Variants in CEP128 observed in about 807,000 individuals in gnomAD.
The protein encoded by CEP128 is centrosomal protein 128.
In CEP128, 132 loss-of-function variants were observed where a neutral mutation model predicts 156.7. The observed-to-expected ratio is 0.84, with a 90% confidence interval of 0.73 to 0.97. The LOEUF (loss-of-function observed/expected upper bound fraction) is 0.97, where lower values mean the gene tolerates loss of function less well. Ranked by LOEUF, CEP128 falls within the 50% of genes least tolerant of loss-of-function variation. The pLI is 0.00. For synonymous variants in CEP128, 469 were observed against 448.9 expected (o/e 1.04, Z -0.57); for missense variants, 1,252 against 1,281.9 (o/e 0.98, Z 0.36).
chr14:80,592,108 G>A (rs941891889), intron 19 of CEP128, among the ~76,000 whole-genome samples: 5 of 152,090 alleles, frequency 3.3e-5, no homozygotes, highest in African/African-American at 1.2e-4. Flanking sequence ...AGAGAAGCTG[G>A]AGCAAACAAA....
At chr14:80,663,369 C>T (rs1895477524) in intron 19 of CEP128, among the ~76,000 whole-genome samples, 2 of 152,130 alleles carry the variant, frequency 1.3e-5, no homozygotes. Context: ...CAATATGATC[C>T]ACCTCCAGGG....
chr14:80,874,981 T>C (rs1271176796), intron 8 of CEP128, among the ~76,000 whole-genome samples: 1 of 152,168 alleles, frequency 6.6e-6, no homozygotes, highest in Non-Finnish European at 1.5e-5. Flanking sequence ...AAGAATAACA[T>C]GCAGAAGAAA....
chr14:80,853,194 C>A (rs897468370), intron 9 of CEP128, among the ~76,000 whole-genome samples: 1 of 146,964 alleles, frequency 6.8e-6, no homozygotes, highest in Non-Finnish European at 1.5e-5. Context: ...GGGGCAAACA[C>A]CATACAACAT....
At chr14:80,848,533 T>A (rs1886723494) in intron 9 of CEP128, among the ~76,000 whole-genome samples, 1 of 152,016 alleles carries the variant, frequency 6.6e-6, no homozygotes, top group Admixed American at 6.6e-5. Context: ...TCTTGGCGCA[T>A]GCTTGTAATT....
chr14:80,733,339 C>G, intron 19 of CEP128, among the ~76,000 whole-genome samples: 1 of 140,136 alleles, frequency 7.1e-6, no homozygotes, highest in Non-Finnish European at 1.5e-5. Context: ...CCACATGGGT[C>G]GTGTGTGTGT....
chr14:80,875,567 TTGA>T (rs1837682857), intron 8 of CEP128, among the ~76,000 whole-genome samples: 1 of 152,150 alleles, frequency 6.6e-6, no homozygotes, highest in South Asian at 2.1e-4. Context: ...GATAAACAGA[TTGA>T]TGATTTTGGA....
chr14:80,611,256 T>G (rs1892982637), intron 19 of CEP128, among the ~76,000 whole-genome samples: 1 of 151,346 alleles, frequency 6.6e-6, no homozygotes, highest in African/African-American at 2.4e-5. Flanking sequence ...AGAGAAAATA[T>G]TAAGAACCTT....
intron 19 of CEP128, among the ~76,000 whole-genome samples, chr14:80,647,074 TATATATATATATAC>T (rs1246206089): frequency 5.3e-5 from 3 of 56,168 alleles, no homozygotes; most frequent in African/African-American, 1.2e-4. Context: ...TATATATATA[TATATATATATATAC>T]ACCCTTATAA....
chr14:80,838,200 T>C lies in CEP128; in HGVS notation c.924+4A>G, dbSNP rs374680420. On this transcript the variant is annotated splice_donor_region_variant and intron_variant, in intron 11 of 24. Coordinates refer to ENST00000555265, the MANE Select transcript of CEP128 (RefSeq NM_152446.5). ...GTATATTATAATAACTTGCATAGAC[T>C]TACCTGATGCAAAAGTGTTTCTCGG... is the stretch of plus-strand genomic sequence containing the variant. The C allele has an allele frequency of 2.5e-5, 40 of 1,601,800 alleles. No homozygotes were observed. The highest frequency in any genetic ancestry group is 1.1e-4 in the South Asian group (10 of 90,810).
chr14:80,742,697 C>G (rs1595331791), intron 19 of CEP128: 1 of 170,528 alleles, frequency 5.9e-6, no homozygotes, highest in African/African-American at 2.4e-5. Flanking sequence ...GCTTTATTCA[C>G]TGATATATCC....
intron 19 of CEP128, among the ~76,000 whole-genome samples, chr14:80,596,705 TG>T (rs1246048068): frequency 7.1e-6 from 1 of 141,186 alleles, no homozygotes. Flanking sequence ...CCTAGCTACT[TG>T]GGAGGCTGAG....
chr14:80,517,457 C>A (rs924759620), intron 23 of CEP128, among the ~76,000 whole-genome samples: 1 of 151,964 alleles, frequency 6.6e-6, no homozygotes, highest in Non-Finnish European at 1.5e-5. Flanking sequence ...TCTAATTTTT[C>A]TTTTGATGTA....
chr14:80,954,055 G>A (rs1168206282), intron 2 of CEP128, among the ~76,000 whole-genome samples: 1 of 152,036 alleles, frequency 6.6e-6, no homozygotes, highest in Non-Finnish European at 1.5e-5. Context: ...GGATCACGAG[G>A]TCAGGAGATC....
chr14:80,803,394 GAAGTT>G (rs1883990570), intron 13 of CEP128, among the ~76,000 whole-genome samples: 1 of 147,514 alleles, frequency 6.8e-6, no homozygotes, highest in South Asian at 2.1e-4. Flanking sequence ...GGAAACAAAA[GAAGTT>G]AATTTAACAG....
chr14:80,773,759 A>C (rs1330671479), intron 16 of CEP128, among the ~76,000 whole-genome samples: 1 of 152,236 alleles, frequency 6.6e-6, no homozygotes, highest in African/African-American at 2.4e-5. Flanking sequence ...TAGAGTAAAC[A>C]GGTAAATGTC....
intron 19 of CEP128, among the ~76,000 whole-genome samples, chr14:80,654,389 T>C (rs1283730846): frequency 6.6e-6 from 1 of 152,118 alleles, no homozygotes; most frequent in Non-Finnish European, 1.5e-5. Flanking sequence ...ATTCAGGACA[T>C]TTAAACAGAG....
intron 2 of CEP128, among the ~76,000 whole-genome samples, chr14:80,948,247 G>T (rs2139654115): frequency 6.6e-6 from 1 of 152,240 alleles, no homozygotes; most frequent in Non-Finnish European, 1.5e-5. Context: ...AGTTTAAGAA[G>T]AGTCAAGATA....
chr14:80,838,112 T>C, intron 11 of CEP128, 92 bp downstream of exon 11: 1 of 868,400 alleles, frequency 1.2e-6, no homozygotes. Flanking sequence ...CTAGACCTAG[T>C]TCTTTTTTTT....
intron 9 of CEP128, 130 bp from the exon 10 acceptor site, chr14:80,840,898 T>A: frequency 1.6e-6 from 1 of 632,894 alleles, no homozygotes; most frequent in Non-Finnish European, 2.8e-6. Context: ...TAAATTACAG[T>A]CTGCTCATAA....
Sources: gnomAD v4.1 joint callset for allele counts (sites outside exome capture counted in the v4.1 genomes callset) on GRCh38, gnomAD v4.1.1 for gene constraint, MANE v1.5 for transcripts, NCBI Gene and HGNC (gene_info 2026-07-23, HGNC 2026-07-21) for gene names.